CAPSL: variants seen among roughly 807,000 people sequenced by gnomAD.
CAPSL encodes the protein calcyphosin-like protein.
Under a neutral mutation model 21.3 loss-of-function variants are expected in CAPSL, and 17 were observed. The observed-to-expected ratio is 0.80, with a 90% confidence interval of 0.55 to 1.20. The LOEUF (loss-of-function observed/expected upper bound fraction) is 1.20, where lower values mean the gene tolerates loss of function less well. Among genes scored for constraint, CAPSL ranks in the 50% most tolerant of loss-of-function variants. The probability of loss-of-function intolerance (pLI) is 0.00; values close to 1 mark genes in which losing one functional copy is unlikely to be tolerated. For missense variants in CAPSL, 289 were observed against 259.3 expected (o/e 1.11, Z -0.79); for synonymous variants, 102 against 89.3 (o/e 1.14, Z -0.80).
At chr5:35,909,341 C>T (rs1738138185) in intron 4 of CAPSL, among the ~76,000 whole-genome samples, 1 of 152,026 alleles carries the variant, frequency 6.6e-6, no homozygotes, top group Non-Finnish European at 1.5e-5. Flanking sequence ...TTTGACATTC[C>T]CTTTACCAAA....
rs529610962 is a variant in CAPSL, at chr5:35,907,656, T to C, written c.525+2210A>G. 7.2e-5 allele frequency among the ~76,000 whole-genome samples: 11 copies of C among 152,304 alleles called. No individual in the cohort carries two copies. In the South Asian group the frequency reaches 1.9e-3, roughly 26 times the overall value. On this transcript the variant is annotated intron_variant, in intron 4 of 4. Coordinates refer to ENST00000651391, the MANE Select transcript of CAPSL (RefSeq NM_001042625.2). ...ACTGCTGAAACTCCAGCAACCTTTATGGGTATTTGAGAGTTTAACCTAGAT... is the reference window on the plus strand; with the variant it reads ...ACTGCTGAAACTCCAGCAACCTTTACGGGTATTTGAGAGTTTAACCTAGAT...
chr5:35,912,680 A>T (rs1027821534), intron 2 of CAPSL, among the ~76,000 whole-genome samples: 1 of 152,264 alleles, frequency 6.6e-6, no homozygotes, highest in East Asian at 1.9e-4. Context: ...TAACAAACAG[A>T]TAGGACATCC....
intron 1 of CAPSL, among the ~76,000 whole-genome samples, chr5:35,936,655 C>T (rs961063197): frequency 2.0e-5 from 3 of 152,116 alleles, no homozygotes; most frequent in African/African-American, 7.2e-5. Flanking sequence ...ATAAATCTAA[C>T]TCCCTGTCTC....
At chr5:35,921,760 G>T (rs1223793225) in intron 1 of CAPSL, among the ~76,000 whole-genome samples, 1 of 152,116 alleles carries the variant, frequency 6.6e-6, no homozygotes, top group Non-Finnish European at 1.5e-5. Flanking sequence ...AGAGCACTTA[G>T]CTGGGGGCCT....
chr5:35,931,287 T>C (rs374677567), intron 1 of CAPSL, among the ~76,000 whole-genome samples: 9 of 152,276 alleles, frequency 5.9e-5, no homozygotes, highest in South Asian at 4.1e-4. Flanking sequence ...CTGAGACTCA[T>C]GAGGAGAGAG....
At chr5:35,913,746 G>A (rs1738295034) in intron 2 of CAPSL, among the ~76,000 whole-genome samples, 1 of 152,196 alleles carries the variant, frequency 6.6e-6, no homozygotes, top group Admixed American at 6.5e-5. Context: ...ACCAGCCACT[G>A]CAAAAACATG....
chr5:35,911,292 G>A (rs1313376072), intron 2 of CAPSL, among the ~76,000 whole-genome samples: 1 of 152,182 alleles, frequency 6.6e-6, no homozygotes, highest in African/African-American at 2.4e-5. Context: ...TATGGAAAAG[G>A]GAAAAGGGAA....
intron 1 of CAPSL, among the ~76,000 whole-genome samples, chr5:35,922,849 A>G (rs1738573815): frequency 3.3e-5 from 5 of 152,160 alleles, no homozygotes; most frequent in African/African-American, 1.2e-4. Context: ...ATTAACAGCC[A>G]GAATCCTGAG....
chr5:35,909,284 G>A (rs1738135366), intron 4 of CAPSL, among the ~76,000 whole-genome samples: 2 of 152,280 alleles, frequency 1.3e-5, no homozygotes, highest in East Asian at 3.9e-4. Flanking sequence ...AGAAATGTAA[G>A]TTAATCTCAA....
At chr5:35,908,334 T>C (rs922707521) in intron 4 of CAPSL, among the ~76,000 whole-genome samples, 5 of 152,138 alleles carry the variant, frequency 3.3e-5, no homozygotes, top group African/African-American at 1.2e-4. Flanking sequence ...CAATACAGGG[T>C]CTGTAACATG....
At chr5:35,916,237 T>C (rs1738381058) in intron 2 of CAPSL, among the ~76,000 whole-genome samples, 2 of 151,760 alleles carry the variant, frequency 1.3e-5, no homozygotes. Context: ...TGGAAGAACA[T>C]TCCATGCTCA....
At chr5:35,910,810 G>A (rs1330335653) in intron 2 of CAPSL, among the ~76,000 whole-genome samples, 1 of 152,198 alleles carries the variant, frequency 6.6e-6, no homozygotes, top group Admixed American at 6.5e-5. Context: ...AAAGGAAAGA[G>A]TTGAATTGGT....
chr5:35,922,628 G>A (rs950787949), intron 1 of CAPSL, among the ~76,000 whole-genome samples: 3 of 152,144 alleles, frequency 2.0e-5, no homozygotes, highest in Admixed American at 6.5e-5. Flanking sequence ...CACACCCTGC[G>A]CTTAGAGACT....
chr5:35,910,285 A>G lies in CAPSL; in HGVS notation c.315+81T>C, dbSNP rs1254721696. On this transcript the variant is annotated intron_variant, in intron 3 of 4. Transcript: ENST00000651391. Reference sequence around the variant, plus strand: ...TCCCCACAGTGTACTAACAACTTGTAAAAACAAAACCTCAAGGTAGCCAAC... The same window carrying G: ...TCCCCACAGTGTACTAACAACTTGTGAAAACAAAACCTCAAGGTAGCCAAC... The G allele has an allele frequency of 6.1e-6, 9 of 1,466,930 alleles. No individual in the cohort carries two copies. The Admixed American group carries it at 1.2e-4, about 20-fold the overall frequency. The allele number at this position is 1,466,930 out of a possible 1,614,324, so 90.9% of individuals were successfully genotyped here.
intron 4 of CAPSL, among the ~76,000 whole-genome samples, chr5:35,907,041 A>G (rs948076446): frequency 1.1e-4 from 17 of 152,176 alleles, no homozygotes; most frequent in African/African-American, 3.4e-4. Context: ...ATCATAGTAA[A>G]TTGTTGGTTA....
chr5:35,906,978 T>C lies in CAPSL; in HGVS notation c.526-2332A>G, dbSNP rs181913685. 4.1e-3 allele frequency among the ~76,000 whole-genome samples: 623 copies of C among 152,344 alleles called. 16 individuals carry two copies. Among genetic ancestry groups the C allele is most frequent in the Admixed American group, 0.039 (590 of 15,304 alleles). ...TGCTTGTTTTCTGAGACTCAACTTA[T>C]ATTGGGAATGGCCTGAATCGCAAAT... On this transcript the variant is annotated intron_variant, in intron 4 of 4. Transcript: ENST00000651391.
At chr5:35,909,465 T>C (rs958453247) in intron 4 of CAPSL, among the ~76,000 whole-genome samples, 1 of 152,188 alleles carries the variant, frequency 6.6e-6, no homozygotes, top group African/African-American at 2.4e-5. Flanking sequence ...AAAATTAAAT[T>C]ATGATCTCAT....
chr5:35,920,871 A>G, intron 2 of CAPSL, 113 bp downstream of exon 2: 1 of 1,075,340 alleles, frequency 9.3e-7, no homozygotes, highest in Non-Finnish European at 1.3e-6. Context: ...CAAATAAGGA[A>G]CTGAGCCCCT....
intron 4 of CAPSL, among the ~76,000 whole-genome samples, chr5:35,905,749 T>C (rs976448576): frequency 6.6e-6 from 1 of 152,258 alleles, no homozygotes; most frequent in Non-Finnish European, 1.5e-5. Context: ...TATTGCCCTC[T>C]TTCTATCTTT....
Sources: gnomAD v4.1 joint callset for allele counts (sites outside exome capture counted in the v4.1 genomes callset) on GRCh38, gnomAD v4.1.1 for gene constraint, MANE v1.5 for transcripts, NCBI Gene and HGNC (gene_info 2026-07-23, HGNC 2026-07-21) for gene names.